The following CC2D2B variants were observed in gnomAD, a reference collection of about 807,000 sequenced individuals.
CC2D2B encodes the protein protein CC2D2B.
A neutral mutation model predicts 161.2 loss-of-function variants in CC2D2B; 128 were observed. That is an observed-to-expected ratio of 0.79 (90% CI 0.69 to 0.92). The LOEUF (loss-of-function observed/expected upper bound fraction) is 0.92. Among genes scored for constraint, CC2D2B ranks in the 40% least tolerant of loss-of-function variants. The pLI, the probability that CC2D2B is intolerant of heterozygous loss-of-function variation, is 0.00. For synonymous variants in CC2D2B, 391 were observed against 449.8 expected (o/e 0.87, Z 1.65); for missense variants, 1,173 against 1,375.1 (o/e 0.85, Z 2.32).
At chr10:95,946,114 G>A (rs1038761477) in intron 9 of CC2D2B, among the ~76,000 whole-genome samples, 1 of 152,092 alleles carries the variant, frequency 6.6e-6, no homozygotes, top group Non-Finnish European at 1.5e-5. Flanking sequence ...GTTTTCTGTT[G>A]TTAAAGTCTG....
intron 22 of CC2D2B, 143 bp downstream of exon 22, chr10:95,992,840 G>C (rs2078008136): frequency 1.9e-6 from 1 of 526,576 alleles, no homozygotes; most frequent in African/African-American, 2.0e-5. Context: ...ATCTTCATTT[G>C]CATAGTCATA....
chr10:96,015,921 C>T (rs2141885684), intron 29 of CC2D2B, among the ~76,000 whole-genome samples: 1 of 152,322 alleles, frequency 6.6e-6, no homozygotes, highest in East Asian at 1.9e-4. Flanking sequence ...TAAACAAAAA[C>T]ATCCCATTTT....
intron 12 of CC2D2B, among the ~76,000 whole-genome samples, chr10:95,963,630 T>C (rs1317044953): frequency 4.6e-5 from 7 of 151,986 alleles, no homozygotes; most frequent in African/African-American, 1.7e-4. Context: ...TTGAATGGCA[T>C]GGTAGAGGAG....
At chr10:95,930,063 T>C (rs897934826) in intron 6 of CC2D2B, among the ~76,000 whole-genome samples, 2 of 152,234 alleles carry the variant, frequency 1.3e-5, no homozygotes, top group Admixed American at 1.3e-4. Flanking sequence ...TGTCCTCTTT[T>C]ATTTAATTGA....
chr10:95,936,827 G>A (rs2075838957), intron 6 of CC2D2B, among the ~76,000 whole-genome samples: 1 of 152,148 alleles, frequency 6.6e-6, no homozygotes, highest in Admixed American at 6.6e-5. Context: ...TACCATCAGG[G>A]CAGACCTTAG....
At chr10:96,000,426 C>T (rs1030601936) in intron 24 of CC2D2B, among the ~76,000 whole-genome samples, 3 of 152,122 alleles carry the variant, frequency 2.0e-5, no homozygotes, top group Middle Eastern at 3.4e-3. Context: ...TGCAGTGGCG[C>T]GATCTGGGCT....
At chr10:95,938,343 C>T (rs2075899935) in intron 7 of CC2D2B, 154 bp downstream of exon 7, 2 of 625,928 alleles carry the variant, frequency 3.2e-6, no homozygotes, top group African/African-American at 1.8e-5. Flanking sequence ...ATTAAGGGAA[C>T]TGATTAAGAG....
At chr10:95,976,794 G>C (rs1042001706) in intron 17 of CC2D2B, among the ~76,000 whole-genome samples, 3 of 152,226 alleles carry the variant, frequency 2.0e-5, no homozygotes, top group African/African-American at 7.2e-5. Flanking sequence ...TGTTGCCCAG[G>C]CTGGAGTGCA....
chr10:96,032,173 G>T lies in CC2D2B; in HGVS notation c.*165G>T, dbSNP rs1268704741. On this transcript the variant is annotated 3_prime_UTR_variant, in exon 35 of 35. Transcript: ENST00000646931. ...GGGCACTATGGAGACTCGCACCCCTGAGTGAGTCTTTGAGGAGGAGTCTAG... is the reference window on the plus strand; with the variant it reads ...GGGCACTATGGAGACTCGCACCCCTTAGTGAGTCTTTGAGGAGGAGTCTAG... 1 of 578,586 alleles carries T rather than the reference G, an allele frequency of 1.7e-6. No individual in the cohort carries two copies. Among genetic ancestry groups the T allele is most frequent in the East Asian group, 2.8e-5 (1 of 35,928 alleles). 35.8% of individuals were successfully genotyped at this position (578,586 alleles called of 1,614,324 possible). A position where few individuals can be genotyped will look rare whatever the true frequency, so the allele number is the denominator to read the frequency against.
Position 95,983,690 on chromosome 10 carries a change from G to A in CC2D2B, c.2167G>A (p.Glu723Lys). ...QDEFNFVSEE[E>K]MAKSKRFQLL... ...TGAATTTAACTTCGTTTCTGAAGAG[G>A]AAATGGCAAAGAGTAAACGTTTCCA... The change falls in exon 19 of 35, where the codon GAA becomes AAA. Residue 723 changes from glutamate (E) to lysine (K), a missense_variant. Transcript: ENST00000646931. 1 of 1,231,242 alleles carries A rather than the reference G, an allele frequency of 8.1e-7. No individual in the cohort carries two copies. Among genetic ancestry groups the A allele is most frequent in the Non-Finnish European group, 1.0e-6 (1 of 987,276 alleles). The allele number at this position is 1,231,242 out of a possible 1,614,324, so 76.3% of individuals were successfully genotyped here. A position where few individuals can be genotyped will look rare whatever the true frequency, so the allele number is the denominator to read the frequency against.
rs2079655179 is a variant in CC2D2B at position 96,025,164 on chromosome 10, TATATATATATATATATATATAAAAAAAA to T, written c.3947+275_3947+302del. Among the ~76,000 whole-genome samples the T allele has an allele frequency of 5.3e-4, 4 of 7,562 alleles. No individual in the cohort carries two copies. The East Asian group carries it at 0.016, about 30-fold the overall frequency. The allele number at this position is 7,562 out of a possible 152,430, so 5.0% of individuals were successfully genotyped here. A position where few individuals can be genotyped will look rare whatever the true frequency, so the allele number is the denominator to read the frequency against. ...TCTCTACTAAAAAAAAATATATATA[TATATATATATATATATATATAAAAAAAA>T]ATATATATATATATATATATATATA... On this transcript the variant is annotated intron_variant, in intron 33 of 34. Transcript: ENST00000646931.
chr10:96,030,260 T>A (rs2080009503), intron 34 of CC2D2B, among the ~76,000 whole-genome samples: 1 of 152,022 alleles, frequency 6.6e-6, no homozygotes, highest in African/African-American at 2.4e-5. Flanking sequence ...TAAAAAGACA[T>A]CTCAAACTCA....
intron 16 of CC2D2B, among the ~76,000 whole-genome samples, chr10:95,973,695 C>T (rs1183924165): frequency 6.6e-6 from 1 of 151,870 alleles, no homozygotes; most frequent in Admixed American, 6.6e-5. Context: ...CCCATCTCTA[C>T]TAAAAAATAC....
chr10:96,023,892 GT>G (rs1187333877), intron 32 of CC2D2B, among the ~76,000 whole-genome samples: 2 of 152,228 alleles, frequency 1.3e-5, no homozygotes, highest in African/African-American at 4.8e-5. Flanking sequence ...GTTCCCGGAT[GT>G]GAGGTTGCCA....
Position 95,995,310 on chromosome 10 carries a change from G to T in CC2D2B, c.2684G>T (p.Cys895Phe), listed in dbSNP as rs1347661914. The change falls in exon 23 of 35, where the codon TGC becomes TTC. Residue 895 changes from cysteine (C) to phenylalanine (F), a missense_variant. Coordinates refer to ENST00000646931, the MANE Select transcript of CC2D2B (RefSeq NM_001349008.3). ...MPTCLKSSIS[C>F]LRHRETIKSV... is the part of the protein sequence containing the mutation. ...ACTTGTTTGAAATCATCTATATCTT[G>T]CCTCAGACATAGAGAAACAATCAAA... is the stretch of plus-strand genomic sequence containing the variant. 6.5e-7 allele frequency: 1 copy of T among 1,532,354 alleles called. No individual in the cohort carries two copies. The highest frequency in any genetic ancestry group is 1.4e-5 in the African/African-American group (1 of 72,962). 94.9% of individuals were successfully genotyped at this position (1,532,354 alleles called of 1,614,324 possible).
intron 6 of CC2D2B, among the ~76,000 whole-genome samples, chr10:95,935,299 C>A (rs560121877): frequency 6.6e-5 from 10 of 152,310 alleles, no homozygotes; most frequent in African/African-American, 2.4e-4. Context: ...TTCTTACAAA[C>A]CCTGTTGGTT....
chr10:95,949,983 T>C lies in CC2D2B; in HGVS notation c.889T>C (p.Leu297=). The C allele has an allele frequency of 2.5e-6, 1 of 398,434 alleles. No individual in the cohort carries two copies. The highest frequency in any genetic ancestry group is 3.6e-5 in the East Asian group (1 of 27,982). The allele number at this position is 398,434 out of a possible 1,614,324, so 24.7% of individuals were successfully genotyped here. A position where few individuals can be genotyped will look rare whatever the true frequency, so the allele number is the denominator to read the frequency against. The change falls in exon 10 of 35, where the codon TTG becomes CTG. Residue 297 remains leucine, a synonymous_variant. Transcript: ENST00000646931. ...IYQLDLNIVG[L]QFSHHHLFNQ... The stretch of plus-strand genomic sequence containing the variant: ...CCAGTTAGACCTCAACATTGTGGGT[T>C]TGCAATTCAGCCATCATCATCTCTT...
In CC2D2B at chr10:95,968,845, T is replaced by G. The variant is rs181236559; in HGVS notation, c.1588T>G (p.Phe530Val). The G allele has an allele frequency of 6.0e-3, 7,372 of 1,228,006 alleles. 23 individuals are homozygous for G. Among genetic ancestry groups the G allele is most frequent in the Non-Finnish European group, 6.7e-3 (6,607 of 984,360 alleles). The allele number at this position is 1,228,006 out of a possible 1,614,324, so 76.1% of individuals were successfully genotyped here. ...CCTACAGTTTGATTTTAAAGTCATG[T>G]TTCAGCAAATTTTCAATATTCAGTT... ...SPLQFDFKVM[F>V]QQIFNIQLMY... is the part of the protein sequence containing the mutation. Residue 530 changes from phenylalanine (F) to valine (V), a missense_variant, in exon 15 of 35, where the codon TTT becomes GTT. Physicochemically the swap from Phe to Val is conservative, Grantham distance 50 (BLOSUM62 -1). Coordinates refer to ENST00000646931, the MANE Select transcript of CC2D2B (RefSeq NM_001349008.3).
chr10:96,030,376 C>T (rs2080014252), intron 34 of CC2D2B, among the ~76,000 whole-genome samples: 1 of 151,888 alleles, frequency 6.6e-6, no homozygotes, highest in South Asian at 2.1e-4. Context: ...CTCTTCTTCC[C>T]TATAAACTGG....
Sources: allele counts gnomAD v4.1 joint callset (sites outside exome capture counted in the v4.1 genomes callset), GRCh38; gene constraint gnomAD v4.1.1; transcripts MANE v1.5; gene names NCBI Gene and HGNC (gene_info 2026-07-23, HGNC 2026-07-21).